Variants in IMMP2L observed in about 807,000 individuals in gnomAD.
The protein encoded by IMMP2L is mitochondrial inner membrane protease subunit 2.
In IMMP2L, 18 loss-of-function variants were observed where a neutral mutation model predicts 19.3. That is an observed-to-expected ratio of 0.93 (90% CI 0.64 to 1.38). The LOEUF (loss-of-function observed/expected upper bound fraction) is 1.38, where lower values mean the gene tolerates loss of function less well. IMMP2L is among the 40% of genes most tolerant of loss of function. The probability of loss-of-function intolerance (pLI) is 0.00; values close to 1 mark genes in which losing one functional copy is unlikely to be tolerated. For missense variants in IMMP2L, 233 were observed against 218.2 expected (o/e 1.07, Z -0.43); for synonymous variants, 76 against 73.0 (o/e 1.04, Z -0.21).
chr7:111,003,542 C>T (rs1375576825), intron 3 of IMMP2L, among the ~76,000 whole-genome samples: 2 of 151,624 alleles, frequency 1.3e-5, no homozygotes, highest in Non-Finnish European at 2.9e-5. Flanking sequence ...GATAGGGTCT[C>T]ACTCTGTTGC....
intron 1 of IMMP2L, among the ~76,000 whole-genome samples, chr7:111,538,114 C>T (rs1848058874): frequency 6.6e-6 from 1 of 152,106 alleles, no homozygotes; most frequent in Admixed American, 6.6e-5. Context: ...ATTTATCACA[C>T]CTGATTTTCT....
intron 5 of IMMP2L, among the ~76,000 whole-genome samples, chr7:110,761,156 G>A (rs1406467332): frequency 6.6e-6 from 1 of 152,072 alleles, no homozygotes; most frequent in Non-Finnish European, 1.5e-5. Flanking sequence ...CTAACATAGT[G>A]GGATTCCAGA....
chr7:110,790,414 T>C (rs967697001), intron 5 of IMMP2L, among the ~76,000 whole-genome samples: 11 of 151,786 alleles, frequency 7.2e-5, no homozygotes, highest in African/African-American at 2.7e-4. Flanking sequence ...TAATTGTCTA[T>C]ATGAAGAGCA....
At chr7:111,010,805 C>T (rs1450423904) in intron 3 of IMMP2L, among the ~76,000 whole-genome samples, 9 of 151,986 alleles carry the variant, frequency 5.9e-5, no homozygotes, top group Non-Finnish European at 1.3e-4. Context: ...CACAGAGTTA[C>T]AATCATAGGT....
At chr7:111,434,212 T>C (rs1328548831) in intron 3 of IMMP2L, among the ~76,000 whole-genome samples, 1 of 151,712 alleles carries the variant, frequency 6.6e-6, no homozygotes, top group Non-Finnish European at 1.5e-5. Flanking sequence ...ATTTAATACA[T>C]AGTGCTGTGA....
intron 5 of IMMP2L, among the ~76,000 whole-genome samples, chr7:110,858,116 A>C (rs965613572): frequency 1.3e-5 from 2 of 152,046 alleles, no homozygotes; most frequent in East Asian, 1.9e-4. Context: ...CATTTGTATT[A>C]ATCTTTTTTG....
At chr7:110,885,837 C>A (rs1460224388) in intron 5 of IMMP2L, among the ~76,000 whole-genome samples, 3 of 151,814 alleles carry the variant, frequency 2.0e-5, no homozygotes, top group African/African-American at 7.3e-5. Flanking sequence ...GAAAAAAAAA[C>A]ATTATTCCAT....
intron 3 of IMMP2L, among the ~76,000 whole-genome samples, chr7:111,025,462 T>C (rs1585818850): frequency 6.6e-6 from 1 of 152,198 alleles, no homozygotes; most frequent in African/African-American, 2.4e-5. Flanking sequence ...ACATCCAATA[T>C]TTCTGTTTAG....
At chr7:110,789,673 C>T (rs1475383876) in intron 5 of IMMP2L, among the ~76,000 whole-genome samples, 2 of 151,588 alleles carry the variant, frequency 1.3e-5, no homozygotes, top group Non-Finnish European at 2.9e-5. Flanking sequence ...CCTTAATGGC[C>T]TAGAAGGCCC....
rs553245831 is a variant in IMMP2L, at chr7:111,032,312, G to A, written c.240-68747C>T. 8.5e-5 allele frequency among the ~76,000 whole-genome samples: 13 copies of A among 152,164 alleles called. No individual in the cohort carries two copies. The East Asian group carries it at 2.5e-3, about 30-fold the overall frequency. On this transcript the variant is annotated intron_variant, in intron 3 of 5. Transcript: ENST00000405709. ...TAGAATGGAGAGCCTAGAATTATGTGTAGACCTACATAAATATGATAAACT... is the reference window on the plus strand; with the variant it reads ...TAGAATGGAGAGCCTAGAATTATGTATAGACCTACATAAATATGATAAACT...
rs114597271 is a variant in IMMP2L, at chr7:110,952,356, C to G, written c.305+11144G>C. Among the ~76,000 whole-genome samples, 1,170 of 152,170 alleles carry G rather than the reference C, an allele frequency of 7.7e-3. 20 individuals carry two copies. Among genetic ancestry groups the G allele is most frequent in the African/African-American group, 0.027 (1,129 of 41,536 alleles). On this transcript the variant is annotated intron_variant, in intron 4 of 5. Transcript: ENST00000405709. ...TGAAAAATCAGACGTTGGCAATAAC[C>G]TTCAGGAGTAGTACATAAAAAACTC...
intron 5 of IMMP2L, among the ~76,000 whole-genome samples, chr7:110,775,958 C>T (rs1359687319): frequency 7.1e-6 from 1 of 140,318 alleles, no homozygotes; most frequent in Admixed American, 7.0e-5. Context: ...GCAAAATACA[C>T]ACATGTAAAA....
At chr7:111,116,255 G>GCTA (rs1799866170) in intron 3 of IMMP2L, among the ~76,000 whole-genome samples, 1 of 152,114 alleles carries the variant, frequency 6.6e-6, no homozygotes, top group East Asian at 1.9e-4. Context: ...AATGCTTGCT[G>GCTA]GGTAAAAATA....
intron 4 of IMMP2L, among the ~76,000 whole-genome samples, chr7:110,916,151 C>T (rs1813593944): frequency 6.6e-6 from 1 of 152,246 alleles, no homozygotes; most frequent in Non-Finnish European, 1.5e-5. Flanking sequence ...ATCATTGCTT[C>T]GTTGTATGAT....
intron 3 of IMMP2L, among the ~76,000 whole-genome samples, chr7:111,340,359 A>G (rs2130781331): frequency 6.6e-6 from 1 of 152,186 alleles, no homozygotes; most frequent in African/African-American, 2.4e-5. Context: ...TAAACAGAAA[A>G]ATATAAAAGA....
chr7:111,444,255 C>G (rs549119214), intron 3 of IMMP2L, among the ~76,000 whole-genome samples: 267 of 152,240 alleles, frequency 1.8e-3, no homozygotes, highest in Non-Finnish European at 2.7e-3. Flanking sequence ...TCTAGCTCAG[C>G]TAATGCATTG....
intron 1 of IMMP2L, among the ~76,000 whole-genome samples, chr7:111,531,975 TAAG>T: frequency 6.6e-6 from 1 of 151,782 alleles, no homozygotes; most frequent in South Asian, 2.1e-4. Flanking sequence ...TTAAAAAAAT[TAAG>T]AAGGCCTATA....
chr7:111,390,968 T>C (rs1427301761), intron 3 of IMMP2L, among the ~76,000 whole-genome samples: 1 of 152,096 alleles, frequency 6.6e-6, no homozygotes, highest in African/African-American at 2.4e-5. Context: ...CACTCCTTAC[T>C]TCACTACTAA....
intron 5 of IMMP2L, among the ~76,000 whole-genome samples, chr7:110,858,660 A>T (rs1273168413): frequency 6.6e-6 from 1 of 151,948 alleles, no homozygotes; most frequent in African/African-American, 2.4e-5. Context: ...TGTGCAGGTT[A>T]GTTACATATG....
Sources: gnomAD v4.1 joint callset for allele counts (sites outside exome capture counted in the v4.1 genomes callset) on GRCh38, gnomAD v4.1.1 for gene constraint, MANE v1.5 for transcripts, NCBI Gene and HGNC (gene_info 2026-07-23, HGNC 2026-07-21) for gene names.